CHCHD6: variants seen among roughly 807,000 people sequenced by gnomAD.
The protein encoded by CHCHD6 is MICOS complex subunit MIC25.
A neutral mutation model predicts 32.3 loss-of-function variants in CHCHD6; 28 were observed. The observed-to-expected ratio is 0.87, with a 90% CI of 0.64 to 1.19. The LOEUF is 1.19. Ranked by LOEUF, CHCHD6 falls within the 50% of genes most tolerant of loss-of-function variation. The pLI, the probability that CHCHD6 is intolerant of heterozygous loss-of-function variation, is 0.00. For synonymous variants in CHCHD6, 122 were observed against 117.5 expected (o/e 1.04, Z -0.25); for missense variants, 333 against 307.0 (o/e 1.08, Z -0.63).
intron 4 of CHCHD6, among the ~76,000 whole-genome samples, chr3:126,759,889 G>A (rs1319764683): frequency 6.6e-6 from 1 of 152,192 alleles, no homozygotes; most frequent in Non-Finnish European, 1.5e-5. Context: ...GGCTGTACAG[G>A]AAGCATGGCA....
intron 4 of CHCHD6, among the ~76,000 whole-genome samples, chr3:126,835,411 G>A (rs967506888): frequency 6.6e-6 from 1 of 152,110 alleles, no homozygotes; most frequent in Non-Finnish European, 1.5e-5. Flanking sequence ...TTAACCTCAC[G>A]GCTCTCCAGA....
intron 5 of CHCHD6, among the ~76,000 whole-genome samples, chr3:126,860,595 T>TA (rs1465930073): frequency 1.3e-5 from 2 of 151,946 alleles, no homozygotes; most frequent in Non-Finnish European, 2.9e-5. Context: ...TAAAGGATAA[T>TA]AAAAAAAGAA....
At chr3:126,770,953 G>A (rs1159430127) in intron 4 of CHCHD6, among the ~76,000 whole-genome samples, 2 of 152,098 alleles carry the variant, frequency 1.3e-5, no homozygotes, top group African/African-American at 4.8e-5. Context: ...AATCCATTTG[G>A]TCTTGTGCTT....
intron 5 of CHCHD6, among the ~76,000 whole-genome samples, chr3:126,898,928 G>A (rs1345147630): frequency 1.3e-5 from 2 of 152,214 alleles, no homozygotes; most frequent in African/African-American, 2.4e-5. Context: ...TTAAAAGGAG[G>A]AAATTGATAA....
intron 4 of CHCHD6, among the ~76,000 whole-genome samples, chr3:126,744,244 A>G (rs537240567): frequency 1.3e-5 from 2 of 152,254 alleles, no homozygotes; most frequent in African/African-American, 2.4e-5. Flanking sequence ...TATTTATGCA[A>G]TTTATTCACA....
intron 5 of CHCHD6, among the ~76,000 whole-genome samples, chr3:126,890,529 G>A (rs535577068): frequency 6.6e-6 from 1 of 152,316 alleles, no homozygotes; most frequent in Non-Finnish European, 1.5e-5. Flanking sequence ...GACAGAGTCA[G>A]GAGGAGAGGT....
At chr3:126,750,398 C>T (rs1936678773) in intron 4 of CHCHD6, among the ~76,000 whole-genome samples, 1 of 152,242 alleles carries the variant, frequency 6.6e-6, no homozygotes, top group Non-Finnish European at 1.5e-5. Context: ...AAGCAGACAG[C>T]TCTTCCCCTG....
intron 4 of CHCHD6, among the ~76,000 whole-genome samples, chr3:126,770,168 G>T (rs561225410): frequency 2.0e-5 from 3 of 152,234 alleles, no homozygotes; most frequent in Non-Finnish European, 2.9e-5. Context: ...GTATAGTAAT[G>T]CTACTGATTT....
chr3:126,917,245 C>T (rs2078184587), intron 6 of CHCHD6, among the ~76,000 whole-genome samples: 1 of 152,250 alleles, frequency 6.6e-6, no homozygotes, highest in South Asian at 2.1e-4. Flanking sequence ...TCTATATTTA[C>T]TCTTGTTGGT....
chr3:126,850,940 G>A (rs1299226907), intron 4 of CHCHD6, among the ~76,000 whole-genome samples: 1 of 152,124 alleles, frequency 6.6e-6, no homozygotes, highest in Non-Finnish European at 1.5e-5. Flanking sequence ...CTGAAGTGTT[G>A]GCATTCCAGA....
chr3:126,752,349 A>G (rs1486308981), intron 4 of CHCHD6, among the ~76,000 whole-genome samples: 1 of 152,202 alleles, frequency 6.6e-6, no homozygotes, highest in Admixed American at 6.5e-5. Flanking sequence ...CTCTGGTCAC[A>G]GCAGCCCCTC....
At chr3:126,769,265 A>G (rs780089301) in intron 4 of CHCHD6, among the ~76,000 whole-genome samples, 107 of 152,260 alleles carry the variant, frequency 7.0e-4, no homozygotes, top group Non-Finnish European at 9.4e-4. Flanking sequence ...TCACAGCACC[A>G]TTTATTGAAT....
intron 7 of CHCHD6, 77 bp downstream of exon 7, chr3:126,957,628 C>A: frequency 6.8e-7 from 1 of 1,476,754 alleles, no homozygotes; most frequent in Non-Finnish European, 9.2e-7. Flanking sequence ...CATTGGAGAT[C>A]TCTGCCTGCC....
At chr3:126,814,962 A>G (rs1342630248) in intron 4 of CHCHD6, among the ~76,000 whole-genome samples, 2 of 152,206 alleles carry the variant, frequency 1.3e-5, no homozygotes, top group Non-Finnish European at 2.9e-5. Context: ...ATAGAATTAG[A>G]GGATACCCAG....
chr3:126,730,457 AG>A, intron 2 of CHCHD6, 103 bp from the exon 3 acceptor site: 1 of 892,950 alleles, frequency 1.1e-6, no homozygotes. Flanking sequence ...CTGCCTTCCA[AG>A]GGGCACATTC....
At chr3:126,758,037 G>C (rs1223171976) in intron 4 of CHCHD6, among the ~76,000 whole-genome samples, 2 of 152,214 alleles carry the variant, frequency 1.3e-5, no homozygotes, top group African/African-American at 4.8e-5. Context: ...TTTTGAGCTG[G>C]AATTTGGGAC....
intron 4 of CHCHD6, among the ~76,000 whole-genome samples, chr3:126,830,543 T>C (rs1165043597): frequency 6.6e-6 from 1 of 152,252 alleles, no homozygotes; most frequent in African/African-American, 2.4e-5. Flanking sequence ...CCCCCTGCTC[T>C]ACCAGTGTTC....
chr3:126,853,570 G>A (rs1271434501), intron 5 of CHCHD6, among the ~76,000 whole-genome samples: 1 of 152,152 alleles, frequency 6.6e-6, no homozygotes, highest in East Asian at 1.9e-4. Flanking sequence ...CCACAGTGGA[G>A]GCTGACAGAA....
At chr3:126,905,035 T>C (rs1455800508) in intron 5 of CHCHD6, among the ~76,000 whole-genome samples, 1 of 152,174 alleles carries the variant, frequency 6.6e-6, no homozygotes, top group African/African-American at 2.4e-5. Flanking sequence ...AGCAGTGGAC[T>C]TGACTACCTT....
Sources: gnomAD v4.1 joint callset for allele counts (sites outside exome capture counted in the v4.1 genomes callset) on GRCh38, gnomAD v4.1.1 for gene constraint, MANE v1.5 for transcripts, NCBI Gene and HGNC (gene_info 2026-07-23, HGNC 2026-07-21) for gene names.